The following RALGAPB variants were observed in gnomAD, a reference collection of about 807,000 sequenced individuals.
RALGAPB encodes ral GTPase-activating protein subunit beta.
Under a neutral mutation model 161.1 loss-of-function variants are expected in RALGAPB, and 25 were observed. That is an observed-to-expected ratio of 0.16 (90% CI 0.11 to 0.22). The LOEUF (loss-of-function observed/expected upper bound fraction) is 0.22, where lower values mean the gene tolerates loss of function less well. Among genes scored for constraint, RALGAPB ranks in the 10% least tolerant of loss-of-function variants. RALGAPB has a pLI of 1.00. For synonymous variants in RALGAPB, 629 were observed against 626.1 expected, an observed-to-expected ratio of 1.00 and a Z score of -0.07; for missense variants, 1,391 against 1,815.2, an observed-to-expected ratio of 0.77 and a Z score of 4.25.
At chr20:38,548,563 C>G in intron 19 of RALGAPB, 126 bp from the exon 20 acceptor site, 1 of 746,314 alleles carries the variant, frequency 1.3e-6, no homozygotes, top group Non-Finnish European at 2.2e-6. Context: ...AAGTGGTACA[C>G]AAAAGATCAA....
At chr20:38,574,428 T>C in intron 29 of RALGAPB, 130 bp downstream of exon 29, 1 of 1,105,148 alleles carries the variant, frequency 9.0e-7, no homozygotes, top group Non-Finnish European at 1.3e-6. Context: ...GGTATGGCTC[T>C]TGTTAAAAAG....
Position 38,521,534 on chromosome 20 carries a change from A to G in RALGAPB, c.1455A>G (p.Lys485=), listed in dbSNP as rs775119163. The change falls in exon 10 of 30, where the codon AAA becomes AAG. Residue 485 remains lysine (K), a synonymous_variant. Transcript: ENST00000262879. ...AAGCTAGCATGGAGTTTCGACGGAA[A>G]GGGTCACAAATGTCCACAGACACCA... ...TTQASMEFRR[K]GSQMSTDTMV... 4 of 1,614,038 alleles carry G rather than the reference A, an allele frequency of 2.5e-6. No homozygotes were observed. Among genetic ancestry groups the G allele is most frequent in the South Asian group, 1.1e-5 (1 of 91,082 alleles).
At chr20:38,498,619 C>T (rs60472154) in intron 4 of RALGAPB, among the ~76,000 whole-genome samples, 1,638 of 152,340 alleles carry the variant, frequency 0.011, 23 homozygotes, top group African/African-American at 0.036. Flanking sequence ...ATTCATCCCC[C>T]TCCTGGGCTC....
chr20:38,518,400 G>C (rs927018192), intron 9 of RALGAPB, among the ~76,000 whole-genome samples: 36 of 152,256 alleles, frequency 2.4e-4, no homozygotes, highest in African/African-American at 8.4e-4. Context: ...TCACTCATTA[G>C]TATATGTAAA....
At chr20:38,499,700 G>A in intron 5 of RALGAPB, 67 bp downstream of exon 5, 1 of 1,443,368 alleles carries the variant, frequency 6.9e-7, no homozygotes, top group Non-Finnish European at 9.3e-7. Context: ...TGGCATTCAT[G>A]GAATACATTA....
intron 25 of RALGAPB, among the ~76,000 whole-genome samples, chr20:38,566,084 A>G (rs1195123305): frequency 6.6e-6 from 1 of 152,154 alleles, no homozygotes; most frequent in Non-Finnish European, 1.5e-5. Flanking sequence ...GTAGGTGGGA[A>G]ACTTCACCTT....
rs909973658 is a variant in RALGAPB at position 38,509,342 on chromosome 20, A to G, written c.872+134A>G. On this transcript the variant is annotated intron_variant, in intron 6 of 29. Transcript: ENST00000262879. ...TTCATCAAATGGAATCCAGCTGGAC[A>G]ACAAGCACATTTCTGTCCTGTGCCT... is the stretch of plus-strand genomic sequence containing the variant. The G allele has an allele frequency of 1.9e-5, 19 of 994,654 alleles. No individual in the cohort carries two copies. In the South Asian group the frequency reaches 2.7e-4, roughly 14 times the overall value. The allele number at this position is 994,654 out of a possible 1,614,324, so 61.6% of individuals were successfully genotyped here.
At chr20:38,499,726 C>A (rs1414735957) in intron 5 of RALGAPB, 93 bp downstream of exon 5, 3 of 1,198,298 alleles carry the variant, frequency 2.5e-6, no homozygotes, top group African/African-American at 3.2e-5. Flanking sequence ...AAGGCTGGGT[C>A]TGTTATTACT....
At chr20:38,569,104 TG>T (rs2088126487) in intron 26 of RALGAPB, 1 of 152,194 alleles carries the variant, frequency 6.6e-6, no homozygotes, top group African/African-American at 2.4e-5. Flanking sequence ...CGGGGGGACT[TG>T]CCATGGACTC....
At chr20:38,566,672 G>C (rs2088011626) in intron 25 of RALGAPB, among the ~76,000 whole-genome samples, 1 of 152,136 alleles carries the variant, frequency 6.6e-6, no homozygotes, top group Non-Finnish European at 1.5e-5. Flanking sequence ...ATGTCCCAGT[G>C]CCTATTTGGC....
chr20:38,549,630 A>G (rs1243068480), intron 20 of RALGAPB, among the ~76,000 whole-genome samples: 1 of 151,332 alleles, frequency 6.6e-6, no homozygotes, highest in Non-Finnish European at 1.5e-5. Context: ...ATTTAATGAA[A>G]TCTTTTGGGG....
intron 13 of RALGAPB, 40 bp from the exon 14 acceptor site, chr20:38,531,127 T>C: frequency 6.8e-7 from 1 of 1,469,894 alleles, no homozygotes; most frequent in Non-Finnish European, 9.5e-7. Flanking sequence ...TTAGTGTTCT[T>C]GTGTATTTTA....
chr20:38,551,294 C>A, intron 21 of RALGAPB, 71 bp downstream of exon 21: 2 of 1,512,756 alleles, frequency 1.3e-6, no homozygotes, highest in South Asian at 1.2e-5. Context: ...TTGGTCAAGA[C>A]AATGCTTTTA....
At position 38,502,828 on chromosome 20, in the gene RALGAPB, C is replaced by T. The variant is rs2085636180; in HGVS notation, c.740+3195C>T. ...CCATGTTGGCCAAGCTGGTCTCTAA[C>T]TCCAGGCCTCATGTGAGCCGCCCCA... On this transcript the variant is annotated intron_variant, in intron 5 of 29. Coordinates refer to ENST00000262879, the MANE Select transcript of RALGAPB (RefSeq NM_020336.4). Among the ~76,000 whole-genome samples the T allele has an allele frequency of 2.0e-5, 3 of 152,174 alleles. No homozygotes were observed. The South Asian group carries it at 6.2e-4, about 31-fold the overall frequency.
At chr20:38,504,772 A>T (rs1022025379) in intron 5 of RALGAPB, among the ~76,000 whole-genome samples, 1 of 152,134 alleles carries the variant, frequency 6.6e-6, no homozygotes, top group Non-Finnish European at 1.5e-5. Context: ...AAAAGACATG[A>T]ACAGACACTT....
At chr20:38,572,109 A>G (rs1227961010) in intron 28 of RALGAPB, among the ~76,000 whole-genome samples, 1 of 152,206 alleles carries the variant, frequency 6.6e-6, no homozygotes, top group Non-Finnish European at 1.5e-5. Flanking sequence ...GAAATAATGG[A>G]GTTAAATTGG....
chr20:38,506,207 G>A (rs2085758851), intron 5 of RALGAPB, among the ~76,000 whole-genome samples: 1 of 152,128 alleles, frequency 6.6e-6, no homozygotes, highest in Non-Finnish European at 1.5e-5. Context: ...AAGGGGGCTT[G>A]AGCATCCGTG....
chr20:38,563,690 A>T (rs1274153470), intron 24 of RALGAPB, among the ~76,000 whole-genome samples: 6 of 152,194 alleles, frequency 3.9e-5, no homozygotes, highest in African/African-American at 1.4e-4. Context: ...TTGGATACTT[A>T]TGGTTGCAAG....
intron 26 of RALGAPB, 22 bp downstream of exon 26, chr20:38,567,254 T>C (rs2145515674): frequency 6.2e-7 from 1 of 1,601,632 alleles, no homozygotes; most frequent in Non-Finnish European, 8.5e-7. Flanking sequence ...TGTTGATAGG[T>C]CTCCAAAATT....
Sources: allele counts gnomAD v4.1 joint callset (sites outside exome capture counted in the v4.1 genomes callset), GRCh38; gene constraint gnomAD v4.1.1; transcripts MANE v1.5; gene names NCBI Gene and HGNC (gene_info 2026-07-23, HGNC 2026-07-21).